The following IQGAP2 variants were observed in gnomAD, a reference collection of about 807,000 sequenced individuals.
The protein encoded by IQGAP2 is ras GTPase-activating-like protein IQGAP2.
A neutral mutation model predicts 201.3 loss-of-function variants in IQGAP2; 173 were observed. The observed-to-expected ratio is 0.86, with a 90% CI of 0.76 to 0.98. The LOEUF (loss-of-function observed/expected upper bound fraction) is 0.98, where lower values mean the gene tolerates loss of function less well. IQGAP2 is among the 50% of genes least tolerant of loss of function. The pLI, the probability that IQGAP2 is intolerant of heterozygous loss-of-function variation, is 0.00. For missense variants in IQGAP2, 1,687 were observed against 1,864.8 expected (o/e 0.90, Z 1.76); for synonymous variants, 675 against 673.9 (o/e 1.00, Z -0.03).
chr5:76,651,061 G>A (rs527950640), intron 17 of IQGAP2, among the ~76,000 whole-genome samples: 2 of 151,980 alleles, frequency 1.3e-5, no homozygotes, highest in Middle Eastern at 3.4e-3. Context: ...TAGTTTCCTC[G>A]AGCTCACACT....
At chr5:76,428,312 G>A (rs1228908671) in intron 1 of IQGAP2, among the ~76,000 whole-genome samples, 1 of 152,092 alleles carries the variant, frequency 6.6e-6, no homozygotes, top group Non-Finnish European at 1.5e-5. Flanking sequence ...AAGGGAGAAG[G>A]AGTAGGGTAT....
chr5:76,603,049 T>C (rs1747539455), intron 11 of IQGAP2, among the ~76,000 whole-genome samples: 1 of 152,248 alleles, frequency 6.6e-6, no homozygotes, highest in Non-Finnish European at 1.5e-5. Flanking sequence ...TGATTGTTCC[T>C]TGTTCACATC....
At chr5:76,609,263 C>A in intron 12 of IQGAP2, 1 of 1,533,234 alleles carries the variant, frequency 6.5e-7, no homozygotes, top group Non-Finnish European at 8.7e-7. Context: ...GGGGGGTGAC[C>A]AGAGAATGGC....
At chr5:76,646,800 C>A (rs1501688) in intron 17 of IQGAP2, among the ~76,000 whole-genome samples, 2,538 of 152,114 alleles carry the variant, frequency 0.017, 72 homozygotes, top group African/African-American at 0.057. Flanking sequence ...TAATCTGTTC[C>A]AAACTGTACC....
chr5:76,581,491 C>G (rs1745847182), intron 5 of IQGAP2, among the ~76,000 whole-genome samples: 1 of 152,190 alleles, frequency 6.6e-6, no homozygotes, highest in African/African-American at 2.4e-5. Flanking sequence ...CTTCCTTGCT[C>G]AGAATTCTCT....
At chr5:76,599,192 G>A (rs886083271) in intron 10 of IQGAP2, among the ~76,000 whole-genome samples, 1 of 151,440 alleles carries the variant, frequency 6.6e-6, no homozygotes, top group Non-Finnish European at 1.5e-5. Flanking sequence ...GACCAACCTG[G>A]GCAACATAGG....
chr5:76,549,517 G>A (rs985262733), intron 2 of IQGAP2, among the ~76,000 whole-genome samples: 1 of 152,174 alleles, frequency 6.6e-6, no homozygotes, highest in Admixed American at 6.5e-5. Flanking sequence ...AGAGGATGAT[G>A]GGAGTTGATG....
intron 30 of IQGAP2, among the ~76,000 whole-genome samples, chr5:76,689,553 A>G (rs747126519): frequency 3.3e-5 from 5 of 152,198 alleles, no homozygotes; most frequent in Non-Finnish European, 7.3e-5. Flanking sequence ...CCACAAAAGT[A>G]TGTGTGTTTA....
intron 1 of IQGAP2, among the ~76,000 whole-genome samples, chr5:76,410,070 C>T (rs11744637): frequency 0.43 from 65,894 of 152,054 alleles, 15,067 homozygotes; most frequent in Non-Finnish European, 0.5. Context: ...AGCAAAGTAT[C>T]GTGATGAATG....
Position 76,658,525 on chromosome 5 carries a change from T to G in IQGAP2, c.2387T>G (p.Leu796Trp). ...GTATACCTGCTGGACCAAAGTGATT[T>G]GGATTTCCAGGAGGAACTAGAGGTT... is the stretch of plus-strand genomic sequence containing the variant. ...KFVYLLDQSD[L>W]DFQEELEVAR... The change falls in exon 21 of 36, where the codon TTG becomes TGG. Residue 796 changes from leucine to tryptophan, a missense_variant. By Grantham distance (61) the Leu-to-Trp change is moderately conservative. Coordinates refer to ENST00000274364, the MANE Select transcript of IQGAP2 (RefSeq NM_006633.5). 1.2e-6 allele frequency: 2 copies of G among 1,614,076 alleles called. No homozygotes were observed. Among genetic ancestry groups the G allele is most frequent in the Non-Finnish European group, 1.7e-6 (2 of 1,179,998 alleles).
chr5:76,523,275 G>C (rs530459149), intron 2 of IQGAP2, among the ~76,000 whole-genome samples: 1 of 151,814 alleles, frequency 6.6e-6, no homozygotes, highest in African/African-American at 2.4e-5. Flanking sequence ...AATTTTGTAA[G>C]GGGGAGAGTC....
At chr5:76,406,636 GA>G (rs1345458381) in intron 1 of IQGAP2, among the ~76,000 whole-genome samples, 2 of 152,212 alleles carry the variant, frequency 1.3e-5, no homozygotes, top group South Asian at 2.1e-4. Flanking sequence ...AATTAATTCT[GA>G]AAACACATTG....
intron 2 of IQGAP2, among the ~76,000 whole-genome samples, chr5:76,509,342 T>A (rs944028861): frequency 6.6e-5 from 10 of 152,082 alleles, no homozygotes; most frequent in Non-Finnish European, 1.5e-4. Context: ...CAATTGTACC[T>A]TATAAACTCT....
intron 2 of IQGAP2, among the ~76,000 whole-genome samples, chr5:76,550,783 C>G (rs1453405376): frequency 6.6e-6 from 1 of 152,270 alleles, no homozygotes; most frequent in Non-Finnish European, 1.5e-5. Context: ...AATCTGATCT[C>G]TCTTTCTTTT....
At chr5:76,507,118 T>G (rs1757645999) in intron 2 of IQGAP2, among the ~76,000 whole-genome samples, 1 of 152,240 alleles carries the variant, frequency 6.6e-6, no homozygotes, top group Non-Finnish European at 1.5e-5. Flanking sequence ...TAAGACTTAT[T>G]ATAAATCTAC....
intron 13 of IQGAP2, among the ~76,000 whole-genome samples, chr5:76,620,729 AG>A (rs2069699): frequency 0.012 from 1,873 of 152,266 alleles, 14 homozygotes; most frequent in Non-Finnish European, 0.021. Flanking sequence ...GGTGGACTTT[AG>A]GGGTAATGAC....
intron 1 of IQGAP2, among the ~76,000 whole-genome samples, chr5:76,460,905 T>C (rs1405468162): frequency 7.1e-6 from 1 of 141,658 alleles, no homozygotes; most frequent in African/African-American, 2.6e-5. Flanking sequence ...AGTCTAACTC[T>C]ATCGCCCAGG....
chr5:76,499,347 A>T (rs2150166478), intron 2 of IQGAP2, among the ~76,000 whole-genome samples: 1 of 152,266 alleles, frequency 6.6e-6, no homozygotes, highest in Non-Finnish European at 1.5e-5. Context: ...CAGCAGCTTT[A>T]CCTCTTGGCC....
At chr5:76,545,282 A>G (rs560627113) in intron 2 of IQGAP2, among the ~76,000 whole-genome samples, 1 of 152,362 alleles carries the variant, frequency 6.6e-6, no homozygotes, top group Admixed American at 6.5e-5. Context: ...AGCAAGGGAC[A>G]TGCCGTGGAG....
Sources: gnomAD v4.1 joint callset for allele counts (sites outside exome capture counted in the v4.1 genomes callset) on GRCh38, gnomAD v4.1.1 for gene constraint, MANE v1.5 for transcripts, NCBI Gene and HGNC (gene_info 2026-07-23, HGNC 2026-07-21) for gene names.